DOCK10: variants seen among roughly 807,000 people sequenced by gnomAD.
DOCK10 encodes the protein dedicator of cytokinesis 10.
A neutral mutation model predicts 280.1 loss-of-function variants in DOCK10; 145 were observed. The observed-to-expected ratio is 0.52, with a 90% confidence interval of 0.45 to 0.59. The LOEUF is 0.59. Among genes scored for constraint, DOCK10 ranks in the 20% least tolerant of loss-of-function variants. The pLI is 0.00. For missense variants in DOCK10, 2,368 were observed against 2,651.7 expected, an observed-to-expected ratio of 0.89 and a Z score of 2.35; for synonymous variants, 915 against 942.2, an observed-to-expected ratio of 0.97 and a Z score of 0.53.
chr2:225,024,536 G>GT (rs1361428797), intron 1 of DOCK10, among the ~76,000 whole-genome samples: 3 of 152,122 alleles, frequency 2.0e-5, no homozygotes, highest in Non-Finnish European at 4.4e-5. Context: ...TTTTACAATT[G>GT]TTTTACAAAT....
intron 1 of DOCK10, among the ~76,000 whole-genome samples, chr2:225,031,741 ACATT>A (rs2106125766): frequency 6.6e-6 from 1 of 152,340 alleles, no homozygotes; most frequent in South Asian, 2.1e-4. Context: ...GCAACTACAA[ACATT>A]CAGCATGGGA....
intron 1 of DOCK10, among the ~76,000 whole-genome samples, chr2:224,950,442 G>C (rs1023754439): frequency 6.6e-6 from 1 of 152,156 alleles, no homozygotes; most frequent in Admixed American, 6.5e-5. Flanking sequence ...TTGGGTTCTG[G>C]AGAAATTAAG....
intron 1 of DOCK10, among the ~76,000 whole-genome samples, chr2:224,961,295 A>C (rs1038142712): frequency 2.6e-5 from 4 of 152,188 alleles, no homozygotes; most frequent in Non-Finnish European, 5.9e-5. Flanking sequence ...TGACCTTCTC[A>C]CTGCAGAATT....
intron 2 of DOCK10, among the ~76,000 whole-genome samples, chr2:224,927,338 A>G (rs576885887): frequency 4.6e-5 from 7 of 152,338 alleles, no homozygotes; most frequent in Admixed American, 4.6e-4. Context: ...ATGGGAAGCC[A>G]CTGAGAAGTT....
Position 225,029,069 on chromosome 2 carries a change from G to A in DOCK10, c.123+13183C>T, listed in dbSNP as rs1023147867. ...ACAGATGGTGCACTGGGCTGAAGGAGAAAATACCCTGGGTTTGAGTCCTCC... is the reference window on the plus strand; with the variant it reads ...ACAGATGGTGCACTGGGCTGAAGGAAAAAATACCCTGGGTTTGAGTCCTCC... On this transcript the variant is annotated intron_variant, in intron 1 of 55. Transcript: ENST00000258390. Among the ~76,000 whole-genome samples, 3 of 152,324 alleles carry A rather than the reference G, an allele frequency of 2.0e-5. No homozygotes were observed. The East Asian group carries it at 5.8e-4, about 29-fold the overall frequency.
chr2:224,806,002 A>G lies in DOCK10; in HGVS notation c.3814+124T>C, dbSNP rs191973806. 94 of 590,872 alleles carry G rather than the reference A, an allele frequency of 1.6e-4. No homozygotes were observed. In the African/African-American group the frequency reaches 1.6e-3, roughly 10 times the overall value. 36.6% of individuals were successfully genotyped at this position (590,872 alleles called of 1,614,324 possible). ...GTAAAAAGACTCTTTGGTTGTATAA[A>G]TGTAGTATACTTTGCCACGTAGATT... On this transcript the variant is annotated intron_variant, in intron 34 of 55. Transcript: ENST00000258390.
At chr2:224,871,596 T>G (rs1698292657) in intron 11 of DOCK10, among the ~76,000 whole-genome samples, 2 of 152,238 alleles carry the variant, frequency 1.3e-5, no homozygotes, top group Non-Finnish European at 2.9e-5. Context: ...CTCTGTTTCT[T>G]CTACATCATC....
chr2:225,039,053 T>C (rs150834780), intron 1 of DOCK10, among the ~76,000 whole-genome samples: 1 of 152,206 alleles, frequency 6.6e-6, no homozygotes, highest in Non-Finnish European at 1.5e-5. Context: ...AATGTATATC[T>C]TAATGAATTA....
At chr2:224,912,579 G>T (rs980128422) in intron 3 of DOCK10, among the ~76,000 whole-genome samples, 25 of 152,180 alleles carry the variant, frequency 1.6e-4, no homozygotes, top group Non-Finnish European at 3.1e-4. Flanking sequence ...TCCCAAACTT[G>T]TGAGGTAGCC....
intron 1 of DOCK10, among the ~76,000 whole-genome samples, chr2:224,947,843 A>G (rs869836): frequency 0.71 from 108,037 of 152,044 alleles, 39,264 homozygotes; most frequent in African/African-American, 0.87. Context: ...ATGCAATTTC[A>G]TTTCATTCAC....
chr2:224,773,317 C>G lies in DOCK10; in HGVS notation c.6044G>C (p.Arg2015Thr). The change falls in exon 53 of 56, where the codon AGA becomes ACA. Residue 2015 changes from arginine (R) to threonine (T), a missense_variant. By Grantham distance (71) the Arg-to-Thr change is moderately conservative. Transcript: ENST00000258390. ...TSHLFPYVKK[R>T]IQVISQSSTE... The stretch of plus-strand genomic sequence containing the variant: ...GCTCGATTGGCTAATTACTTGTATT[C>G]TCTTCTTCACGTAGGGGAACAGGTG... The G allele has an allele frequency of 6.2e-7, 1 of 1,613,116 alleles. No homozygotes were observed. The highest frequency in any genetic ancestry group is 8.5e-7 in the Non-Finnish European group (1 of 1,179,590).
chr2:224,897,940 G>A (rs1700078451), intron 3 of DOCK10, among the ~76,000 whole-genome samples: 1 of 152,134 alleles, frequency 6.6e-6, no homozygotes, highest in African/African-American at 2.4e-5. Context: ...ATGATTCTGG[G>A]GAGTAAGCAG....
chr2:224,975,302 T>C lies in DOCK10; in HGVS notation c.124-43634A>G, dbSNP rs79385573. Among the ~76,000 whole-genome samples, 902 of 152,276 alleles carry C rather than the reference T, an allele frequency of 5.9e-3. 13 individuals are homozygous for C. The highest frequency in any genetic ancestry group is 0.021 in the African/African-American group (879 of 41,552). ...GCTTTGGGATGCAACTCAAAATTAG[T>C]TCACAAGGGAAAATACCTCCAAAGA... On this transcript the variant is annotated intron_variant, in intron 1 of 55. Transcript: ENST00000258390.
At chr2:224,857,270 A>G (rs966652011) in intron 14 of DOCK10, among the ~76,000 whole-genome samples, 3 of 152,158 alleles carry the variant, frequency 2.0e-5, no homozygotes, top group African/African-American at 7.2e-5. Context: ...TTGGAGTATC[A>G]GGGAAGTGGA....
At chr2:225,021,243 C>A (rs1234490300) in intron 1 of DOCK10, among the ~76,000 whole-genome samples, 1 of 152,124 alleles carries the variant, frequency 6.6e-6, no homozygotes, top group Non-Finnish European at 1.5e-5. Context: ...ACAAACAGAA[C>A]CCAGTATATT....
intron 1 of DOCK10, among the ~76,000 whole-genome samples, chr2:224,935,571 C>T (rs530158010): frequency 3.1e-4 from 47 of 152,252 alleles, no homozygotes; most frequent in Admixed American, 2.1e-3. Flanking sequence ...GAACTTCAGC[C>T]GTGGTAATTA....
chr2:224,961,665 C>T (rs1704458501), intron 1 of DOCK10, among the ~76,000 whole-genome samples: 1 of 151,652 alleles, frequency 6.6e-6, no homozygotes, highest in East Asian at 1.9e-4. Context: ...CACCACCATG[C>T]CCAGCTAATT....
chr2:224,995,314 T>A (rs544598164), intron 1 of DOCK10, among the ~76,000 whole-genome samples: 37 of 152,278 alleles, frequency 2.4e-4, no homozygotes, highest in African/African-American at 8.4e-4. Context: ...TATCAAGAGG[T>A]AGAGGTTGTT....
At chr2:224,886,894 C>CCCG (rs1176193205) in intron 4 of DOCK10, among the ~76,000 whole-genome samples, 1 of 134,558 alleles carries the variant, frequency 7.4e-6, no homozygotes, top group African/African-American at 2.8e-5. Context: ...CAACACCCCC[C>CCCG]CAAGTAGTAC....
Sources: allele counts gnomAD v4.1 joint callset (sites outside exome capture counted in the v4.1 genomes callset), GRCh38; gene constraint gnomAD v4.1.1; transcripts MANE v1.5; gene names NCBI Gene and HGNC (gene_info 2026-07-23, HGNC 2026-07-21).